Variants in CHRNA5 observed in about 807,000 individuals in gnomAD.
CHRNA5 encodes neuronal acetylcholine receptor subunit alpha-5.
A neutral mutation model predicts 41.2 loss-of-function variants in CHRNA5; 28 were observed. The observed-to-expected ratio is 0.68, with a 90% confidence interval of 0.50 to 0.93. The LOEUF is 0.93. Ranked by LOEUF, CHRNA5 falls within the 40% of genes least tolerant of loss-of-function variation. The pLI is 0.00. For synonymous variants in CHRNA5, 188 were observed against 205.8 expected (o/e 0.91, Z 0.74); for missense variants, 481 against 581.9 (o/e 0.83, Z 1.78).
intron 1 of CHRNA5, among the ~76,000 whole-genome samples, chr15:78,566,576 C>A (rs1339751915): frequency 1.3e-5 from 2 of 152,136 alleles, no homozygotes; most frequent in Non-Finnish European, 2.9e-5. Context: ...GTGATCTAAA[C>A]GTAGAAAAGC....
chr15:78,568,538 C>G (rs919310648), intron 1 of CHRNA5, among the ~76,000 whole-genome samples: 14 of 151,828 alleles, frequency 9.2e-5, no homozygotes, highest in African/African-American at 3.4e-4. Flanking sequence ...CATAGGTATA[C>G]ATGTGCCATG....
chr15:78,565,666 C>T (rs1334360167), exon 1 of CHRNA5: 1 of 628,942 alleles, frequency 1.6e-6, no homozygotes, highest in Non-Finnish European at 2.1e-6. Flanking sequence ...AGTTCGCGTT[C>T]CCCGCGCGGC....
exon 6 of CHRNA5, chr15:78,594,697 T>C (rs2053071656): frequency 6.6e-6 from 1 of 152,214 alleles, no homozygotes; most frequent in Non-Finnish European, 1.5e-5. Flanking sequence ...TTGGTCTAAA[T>C]CATTCTGTGA....
intron 1 of CHRNA5, among the ~76,000 whole-genome samples, chr15:78,578,110 A>G: frequency 6.6e-6 from 1 of 152,208 alleles, no homozygotes; most frequent in East Asian, 1.9e-4. Context: ...ATAATTTTCT[A>G]AATTAATCTA....
exon 5 of CHRNA5, chr15:78,590,173 G>A (rs1314435912): frequency 1.2e-6 from 2 of 1,613,900 alleles, no homozygotes; most frequent in Admixed American, 1.7e-5. Flanking sequence ...ATAATACCCT[G>A]TATTGGGCTC....
At chr15:78,584,138 T>C (rs1490963637) in intron 2 of CHRNA5, among the ~76,000 whole-genome samples, 1 of 152,068 alleles carries the variant, frequency 6.6e-6, no homozygotes, top group Non-Finnish European at 1.5e-5. Flanking sequence ...AGATGAAGGG[T>C]GAGGGCTCTG....
At chr15:78,584,758 T>G (rs1315702567) in intron 2 of CHRNA5, among the ~76,000 whole-genome samples, 1 of 152,230 alleles carries the variant, frequency 6.6e-6, no homozygotes, top group African/African-American at 2.4e-5. Flanking sequence ...ACTTTCCTAA[T>G]TATAAATGCC....
chr15:78,572,762 G>T (rs73463078), intron 1 of CHRNA5, among the ~76,000 whole-genome samples: 1 of 152,066 alleles, frequency 6.6e-6, no homozygotes, highest in Non-Finnish European at 1.5e-5. Flanking sequence ...GATTACAGGC[G>T]TGAACCACCA....
intron 1 of CHRNA5, among the ~76,000 whole-genome samples, chr15:78,566,248 G>T (rs1366307699): frequency 2.0e-5 from 3 of 152,044 alleles, no homozygotes; most frequent in Non-Finnish European, 4.4e-5. Flanking sequence ...CCTGCCCGCC[G>T]CCTCTTCCTC....
chr15:78,593,671 T>TTA (rs1358967317), exon 6 of CHRNA5: 2 of 153,638 alleles, frequency 1.3e-5, no homozygotes, highest in Admixed American at 6.5e-5. Flanking sequence ...AGCTAATCTT[T>TTA]AATATAATAT....
In CHRNA5 at chr15:78,588,309, TA is replaced by T; in HGVS notation, c.304-2del. 1.4e-6 allele frequency: 2 copies of T among 1,453,138 alleles called. No homozygotes were observed. Among genetic ancestry groups the T allele is most frequent in the South Asian group, 1.3e-5 (1 of 79,248 alleles). The allele number at this position is 1,453,138 out of a possible 1,614,324, so 90.0% of individuals were successfully genotyped here. ...GAAATTGAGGCAGATTTCTTTGTTTTAAAGGAATGGATAGATGTAAAATTAA... is the reference window on the plus strand; with the variant it reads ...GAAATTGAGGCAGATTTCTTTGTTTTAAGGAATGGATAGATGTAAAATTAA... On this transcript the variant is annotated splice_polypyrimidine_tract_variant and splice_region_variant and intron_variant, in intron 3 of 5. Transcript: ENST00000299565. This position sits in a 1 kb window ranked among gnomAD's most constrained non-coding sequence, Gnocchi z 4.1.
At chr15:78,591,355 A>G (rs1386452235) in intron 5 of CHRNA5, 1 of 140,652 alleles carries the variant, frequency 7.1e-6, no homozygotes, top group African/African-American at 2.7e-5. Flanking sequence ...TGGGCGACCG[A>G]GCAAGACTCC....
At chr15:78,590,921 C>CCTG in intron 5 of CHRNA5, 1 of 363,164 alleles carries the variant, frequency 2.8e-6, no homozygotes, top group East Asian at 5.7e-5. Flanking sequence ...AGGAATAATC[C>CCTG]TGCCATATTT....
At chr15:78,590,729 TTAAG>T (rs2053005701) in intron 5 of CHRNA5, 93 bp downstream of exon 5, 1 of 1,003,716 alleles carries the variant, frequency 1.0e-6, no homozygotes, top group South Asian at 1.7e-5. Context: ...AGCATGACCC[TTAAG>T]TAAGACTAAG....
At chr15:78,568,139 T>C (rs1383320173) in intron 1 of CHRNA5, among the ~76,000 whole-genome samples, 2 of 152,238 alleles carry the variant, frequency 1.3e-5, no homozygotes, top group Non-Finnish European at 2.9e-5. Flanking sequence ...TTCTTAATAG[T>C]AACTTTTCCC....
chr15:78,568,289 A>G (rs2141394224), intron 1 of CHRNA5, among the ~76,000 whole-genome samples: 1 of 152,250 alleles, frequency 6.6e-6, no homozygotes, highest in Non-Finnish European at 1.5e-5. Flanking sequence ...AGTATAATGA[A>G]CTAGTACATC....
intron 2 of CHRNA5, among the ~76,000 whole-genome samples, chr15:78,584,562 G>A (rs900984547): frequency 6.6e-6 from 1 of 152,136 alleles, no homozygotes; most frequent in Non-Finnish European, 1.5e-5. Context: ...CCACATCTTA[G>A]GGGCCATTTG....
At chr15:78,578,138 G>A (rs1296946831) in intron 1 of CHRNA5, among the ~76,000 whole-genome samples, 1 of 152,156 alleles carries the variant, frequency 6.6e-6, no homozygotes, top group Non-Finnish European at 1.5e-5. Flanking sequence ...TCAATGCTGT[G>A]CATTTCAGCA....
intron 3 of CHRNA5, 40 bp downstream of exon 3, chr15:78,586,729 TG>T: frequency 7.2e-7 from 1 of 1,387,972 alleles, no homozygotes; most frequent in Non-Finnish European, 1.0e-6. Context: ...AATTAGTGAC[TG>T]GGACACCTAT....
Sources: gnomAD v4.1 joint callset for allele counts (sites outside exome capture counted in the v4.1 genomes callset) on GRCh38, gnomAD v4.1.1 for gene constraint, Gnocchi (gnomAD v3.1) non-coding constraint, MANE v1.5 for transcripts, NCBI Gene and HGNC (gene_info 2026-07-23, HGNC 2026-07-21) for gene names.